CLIP4: variants seen among roughly 807,000 people sequenced by gnomAD.
The protein encoded by CLIP4 is CAP-Gly domain-containing linker protein 4.
A neutral mutation model predicts 73.1 loss-of-function variants in CLIP4; 47 were observed. That is an observed-to-expected ratio of 0.64 (90% CI 0.51 to 0.82). CLIP4 has a LOEUF of 0.82. Among genes scored for constraint, CLIP4 ranks in the 40% least tolerant of loss-of-function variants. The probability of loss-of-function intolerance (pLI) is 0.00; values close to 1 mark genes in which losing one functional copy is unlikely to be tolerated. For synonymous variants in CLIP4, 306 were observed against 295.4 expected, an observed-to-expected ratio of 1.04 and a Z score of -0.37; for missense variants, 874 against 852.9, an observed-to-expected ratio of 1.02 and a Z score of -0.31.
At chr2:29,181,472 A>G in intron 15 of CLIP4, 100 bp from the exon 16 acceptor site, 2 of 967,146 alleles carry the variant, frequency 2.1e-6, no homozygotes, top group African/African-American at 3.3e-5. Context: ...TTGGGAACTG[A>G]GTGAATGAAT....
At chr2:29,163,456 T>A (rs752755392) in intron 12 of CLIP4, among the ~76,000 whole-genome samples, 2 of 152,148 alleles carry the variant, frequency 1.3e-5, no homozygotes, top group African/African-American at 2.4e-5. Flanking sequence ...TAAATCTCAA[T>A]ATTATGTTTC....
intron 14 of CLIP4, among the ~76,000 whole-genome samples, chr2:29,169,673 C>T (rs75960021): frequency 1.3e-5 from 2 of 151,922 alleles, no homozygotes; most frequent in Non-Finnish European, 2.9e-5. Flanking sequence ...ATTTGATGCA[C>T]GTATACAATG....
At chr2:29,157,532 A>G (rs1001212707) in intron 11 of CLIP4, 185 bp downstream of exon 11, 7 of 789,212 alleles carry the variant, frequency 8.9e-6, no homozygotes, top group South Asian at 3.6e-5. Flanking sequence ...CGTCTCAGAT[A>G]TAAGACTTTG....
chr2:29,154,095 A>G (rs1160083423), intron 9 of CLIP4, among the ~76,000 whole-genome samples: 1 of 152,168 alleles, frequency 6.6e-6, no homozygotes, highest in Non-Finnish European at 1.5e-5. Flanking sequence ...AAATATCCCA[A>G]CAAAATTGTG....
chr2:29,108,467 C>T (rs1170850538), intron 1 of CLIP4, among the ~76,000 whole-genome samples: 1 of 152,154 alleles, frequency 6.6e-6, no homozygotes, highest in East Asian at 1.9e-4. Flanking sequence ...TCATGCTACT[C>T]AGAATGGTGT....
chr2:29,158,727 G>A (rs1166378147), intron 11 of CLIP4, among the ~76,000 whole-genome samples: 1 of 152,182 alleles, frequency 6.6e-6, no homozygotes, highest in Non-Finnish European at 1.5e-5. Context: ...TTCGGGGAAT[G>A]GGAAAGGTAG....
chr2:29,148,532 G>T (rs1666327210), intron 8 of CLIP4, among the ~76,000 whole-genome samples: 1 of 152,144 alleles, frequency 6.6e-6, no homozygotes, highest in Admixed American at 6.5e-5. Context: ...AAGTCAGATT[G>T]TACGGCAAGG....
chr2:29,159,703 A>AAG (rs1428700242), intron 11 of CLIP4, among the ~76,000 whole-genome samples: 1 of 150,660 alleles, frequency 6.6e-6, no homozygotes, highest in Non-Finnish European at 1.5e-5. Flanking sequence ...AAAAAAAAAA[A>AAG]AAAAGTCAAA....
chr2:29,123,843 C>T (rs1161892053), intron 2 of CLIP4, among the ~76,000 whole-genome samples: 2 of 152,156 alleles, frequency 1.3e-5, no homozygotes, highest in Non-Finnish European at 2.9e-5. Context: ...AGAGTTGAGG[C>T]ATGTGACTCA....
intron 1 of CLIP4, among the ~76,000 whole-genome samples, chr2:29,110,394 T>C (rs1668355647): frequency 6.6e-6 from 1 of 152,202 alleles, no homozygotes; most frequent in South Asian, 2.1e-4. Flanking sequence ...TATGTGAATT[T>C]ACTTAATAAA....
chr2:29,169,455 A>G (rs1487029085), intron 14 of CLIP4, among the ~76,000 whole-genome samples: 1 of 151,678 alleles, frequency 6.6e-6, no homozygotes, highest in South Asian at 2.1e-4. Flanking sequence ...ATTACTTCCA[A>G]TTACATATGA....
chr2:29,148,879 G>A (rs1666352896), intron 8 of CLIP4, among the ~76,000 whole-genome samples: 1 of 152,164 alleles, frequency 6.6e-6, no homozygotes. Flanking sequence ...GGACTCATGA[G>A]AAGTAAATGT....
At chr2:29,173,839 A>G (rs1172282092) in intron 14 of CLIP4, among the ~76,000 whole-genome samples, 1 of 152,108 alleles carries the variant, frequency 6.6e-6, no homozygotes, top group Non-Finnish European at 1.5e-5. Flanking sequence ...TAATTGTTCA[A>G]TGTTTTATAA....
chr2:29,160,999 A>G (rs143335295), intron 12 of CLIP4, among the ~76,000 whole-genome samples: 4 of 151,224 alleles, frequency 2.6e-5, no homozygotes, highest in African/African-American at 9.7e-5. Flanking sequence ...TTTGAGACGG[A>G]GCTTCGCTCT....
chr2:29,150,734 C>T (rs1243866977), intron 8 of CLIP4, among the ~76,000 whole-genome samples: 2 of 143,450 alleles, frequency 1.4e-5, no homozygotes, highest in African/African-American at 5.1e-5. Context: ...AGCGATTCTC[C>T]TGCCTCAGCC....
At chr2:29,159,823 C>G (rs1209388792) in intron 11 of CLIP4, among the ~76,000 whole-genome samples, 1 of 151,876 alleles carries the variant, frequency 6.6e-6, no homozygotes, top group African/African-American at 2.4e-5. Flanking sequence ...TGGGCCAAAT[C>G]TGACCTACCA....
intron 1 of CLIP4, among the ~76,000 whole-genome samples, chr2:29,121,038 A>G (rs1260039990): frequency 6.6e-6 from 1 of 152,206 alleles, no homozygotes; most frequent in Non-Finnish European, 1.5e-5. Flanking sequence ...ATCCATCTAC[A>G]AGGGTTAATA....
intron 1 of CLIP4, among the ~76,000 whole-genome samples, chr2:29,101,048 C>T (rs1028003428): frequency 2.6e-5 from 4 of 151,926 alleles, no homozygotes; most frequent in Non-Finnish European, 4.4e-5. Flanking sequence ...TCCAGCACTT[C>T]GGGAGGCAGA....
At chr2:29,174,755 T>G in intron 15 of CLIP4, 1 of 783,410 alleles carries the variant, frequency 1.3e-6, no homozygotes. Flanking sequence ...GCTTTTAAAC[T>G]CTCCTTAAGT....
Sources: allele counts gnomAD v4.1 joint callset (sites outside exome capture counted in the v4.1 genomes callset), GRCh38; gene constraint gnomAD v4.1.1; transcripts MANE v1.5; gene names NCBI Gene and HGNC (gene_info 2026-07-23, HGNC 2026-07-21).